The following ZNF280D variants were observed in gnomAD, a reference collection of about 807,000 sequenced individuals.
ZNF280D encodes the protein zinc finger protein 280D.
Under a neutral mutation model 94.7 loss-of-function variants are expected in ZNF280D, and 39 were observed. The observed-to-expected ratio is 0.41, with a 90% CI of 0.32 to 0.54. The LOEUF (loss-of-function observed/expected upper bound fraction) is 0.54, where lower values mean the gene tolerates loss of function less well. Ranked by LOEUF, ZNF280D falls within the 20% of genes least tolerant of loss-of-function variation. ZNF280D has a pLI of 0.22. For missense variants in ZNF280D, 1,090 were observed against 1,149.3 expected (o/e 0.95, Z 0.75); for synonymous variants, 398 against 377.6 (o/e 1.05, Z -0.63).
chr15:56,676,600 A>G (rs1192381354), intron 13 of ZNF280D, 70 bp downstream of exon 13: 1 of 1,357,936 alleles, frequency 7.4e-7, no homozygotes, highest in African/African-American at 1.5e-5. Flanking sequence ...AAATCTAAAG[A>G]TTCTCCAAGT....
chr15:56,645,037 C>T (rs1185433336), intron 19 of ZNF280D: 1 of 152,054 alleles, frequency 6.6e-6, no homozygotes, highest in Non-Finnish European at 1.5e-5. Context: ...AAATGCATCA[C>T]TAAAATGTAC....
In ZNF280D at chr15:56,631,230, C is replaced by G. The variant is rs1445834632; in HGVS notation, c.*268G>C. The G allele has an allele frequency of 2.9e-6, 1 of 343,442 alleles. No individual in the cohort carries two copies. The highest frequency in any genetic ancestry group is 2.1e-5 in the African/African-American group (1 of 48,602). 21.3% of individuals were successfully genotyped at this position (343,442 alleles called of 1,614,324 possible). ...AACCAAATCCCATTTCCTTGAAAAC[C>G]ATTAAATGAGACCTTTCCACTGCAA... is the stretch of plus-strand genomic sequence containing the variant. On this transcript the variant is annotated 3_prime_UTR_variant, in exon 22 of 22. Transcript: ENST00000267807.
intron 13 of ZNF280D, among the ~76,000 whole-genome samples, chr15:56,670,431 T>C (rs2054785189): frequency 6.6e-6 from 1 of 151,804 alleles, no homozygotes; most frequent in Non-Finnish European, 1.5e-5. Flanking sequence ...CACTTATAAA[T>C]GAGAAAACAC....
intron 9 of ZNF280D, among the ~76,000 whole-genome samples, chr15:56,685,131 A>G (rs2055910801): frequency 6.6e-6 from 1 of 152,184 alleles, no homozygotes; most frequent in African/African-American, 2.4e-5. Flanking sequence ...TATTAGATCA[A>G]ACTGTCTTTA....
rs548498921 is a variant in ZNF280D at position 56,653,125 on chromosome 15, A to C, written c.2213+1073T>G. 6.0e-5 allele frequency: 60 copies of C among 996,780 alleles called. No homozygotes were observed. The African/African-American group carries it at 9.8e-4, about 16-fold the overall frequency. The allele number at this position is 996,780 out of a possible 1,614,324, so 61.7% of individuals were successfully genotyped here. On this transcript the variant is annotated intron_variant, in intron 19 of 21. Coordinates refer to ENST00000267807, the MANE Select transcript of ZNF280D (RefSeq NM_017661.4). ...AAAAATAACTGCAATTTTGGAACTT[A>C]ATTGTGGAGACCTGTTGTTCCAAGG...
At chr15:56,655,887 T>C (rs756393093) in intron 17 of ZNF280D, among the ~76,000 whole-genome samples, 1 of 152,210 alleles carries the variant, frequency 6.6e-6, no homozygotes, top group Non-Finnish European at 1.5e-5. Context: ...TTATATTAAA[T>C]GTACAAATGA....
Position 56,631,548 on chromosome 15 carries a change from T to C in ZNF280D, c.2890A>G (p.Ser964Gly), listed in dbSNP as rs1396095340. Residue 964 changes from serine (S) to glycine (G), a missense_variant, in exon 22 of 22, where the codon AGC (serine) becomes GGC (glycine). Physicochemically the swap from Ser to Gly is moderately conservative, Grantham distance 56. Coordinates refer to ENST00000267807, the MANE Select transcript of ZNF280D (RefSeq NM_017661.4). ...TDDIPGGNNP[S>G]TTEATVDLED... is the part of the protein sequence containing the mutation. ...AGGTCTACTGTTGCCTCTGTTGTGC[T>C]AGGGTTATTTCCTCCAGGAATGTCA... 4 of 1,614,110 alleles carry C rather than the reference T, an allele frequency of 2.5e-6. No homozygotes were observed. The East Asian group carries it at 6.7e-5, about 27-fold the overall frequency.
intron 12 of ZNF280D, 106 bp from the exon 13 acceptor site, chr15:56,676,922 A>G (rs551570362): frequency 1.2e-6 from 1 of 835,180 alleles, no homozygotes; most frequent in Non-Finnish European, 1.8e-6. Context: ...ATGTACTACT[A>G]ATCTAGCTCT....
Position 56,676,750 on chromosome 15 carries a change from T to G in ZNF280D, c.1330A>C (p.Thr444Pro). 2 of 1,611,806 alleles carry G rather than the reference T, an allele frequency of 1.2e-6. No homozygotes were observed. The highest frequency in any genetic ancestry group is 1.7e-6 in the Non-Finnish European group (2 of 1,178,248). ...CAAAACGGGCATAGCAAGTTCTTAG[T>G]GTTTTCATGGGATGTTCTAAAATGA... The part of the protein sequence containing the change: ...ETHFRTSHEN[T>P]KNLLCPFCLK... Residue 444 changes from threonine to proline, a missense_variant, in exon 13 of 22, where the codon ACT (threonine) becomes CCT (proline). Thr to Pro is a conservative substitution (Grantham distance 38). Coordinates refer to ENST00000267807, the MANE Select transcript of ZNF280D (RefSeq NM_017661.4).
At chr15:56,724,558 T>C (rs949296303) in intron 1 of ZNF280D, among the ~76,000 whole-genome samples, 9 of 152,212 alleles carry the variant, frequency 5.9e-5, no homozygotes, top group Non-Finnish European at 1.0e-4. Flanking sequence ...AGGCATCGTA[T>C]CTTATAAAAT....
intron 10 of ZNF280D, among the ~76,000 whole-genome samples, chr15:56,679,771 C>T (rs569671635): frequency 6.6e-6 from 1 of 152,244 alleles, no homozygotes; most frequent in African/African-American, 2.4e-5. Context: ...TAGCAATCAT[C>T]ATGAAGATTA....
At chr15:56,673,395 C>T (rs1165770420) in intron 13 of ZNF280D, among the ~76,000 whole-genome samples, 1 of 152,014 alleles carries the variant, frequency 6.6e-6, no homozygotes, top group Non-Finnish European at 1.5e-5. Context: ...CTGTCAAACA[C>T]ATTAGTAAAA....
At chr15:56,705,524 C>G (rs2057352731) in intron 3 of ZNF280D, among the ~76,000 whole-genome samples, 1 of 152,152 alleles carries the variant, frequency 6.6e-6, no homozygotes, top group Non-Finnish European at 1.5e-5. Context: ...TTTTCCTCAT[C>G]TATAACACAA....
In ZNF280D at chr15:56,674,558, T is replaced by A. The variant is rs374998268; in HGVS notation, c.1410+2112A>T. Among the ~76,000 whole-genome samples, 46 of 152,138 alleles carry A rather than the reference T, an allele frequency of 3.0e-4. No individual in the cohort carries two copies. In the South Asian group the frequency reaches 7.7e-3, roughly 25 times the overall value. On this transcript the variant is annotated intron_variant, in intron 13 of 21. Coordinates refer to ENST00000267807, the MANE Select transcript of ZNF280D (RefSeq NM_017661.4). ...GAGCAGTAAAAGCTTGGATGCTAAG[T>A]CAAATTTTGACTCTGCCTTTATTAG...
intron 4 of ZNF280D, among the ~76,000 whole-genome samples, chr15:56,702,147 T>G (rs761219694): frequency 6.6e-6 from 1 of 152,084 alleles, no homozygotes; most frequent in Admixed American, 6.6e-5. Context: ...GAAATATGGT[T>G]GTTTTCTGAT....
intron 9 of ZNF280D, among the ~76,000 whole-genome samples, chr15:56,683,505 T>C (rs2055782921): frequency 2.0e-5 from 3 of 152,164 alleles, no homozygotes; most frequent in Admixed American, 1.3e-4. Flanking sequence ...TCCCTTATTT[T>C]TGTGGGTTAA....
At chr15:56,638,981 CA>C (rs570596392) in intron 20 of ZNF280D, among the ~76,000 whole-genome samples, 1 of 148,540 alleles carries the variant, frequency 6.7e-6, no homozygotes, top group Non-Finnish European at 1.5e-5. Context: ...TGAAAAATAC[CA>C]AAAAAAACAA....
chr15:56,708,858 C>A (rs1418310920), intron 1 of ZNF280D, among the ~76,000 whole-genome samples: 4 of 152,008 alleles, frequency 2.6e-5, no homozygotes, highest in Non-Finnish European at 5.9e-5. Context: ...AAAATTAATT[C>A]AAGATGGATT....
rs771633956 is a variant in ZNF280D at position 56,666,818 on chromosome 15, C to T, written c.1714G>A (p.Ala572Thr). 8.1e-6 allele frequency: 13 copies of T among 1,613,492 alleles called. No individual in the cohort carries two copies. Among genetic ancestry groups the T allele is most frequent in the Admixed American group, 6.7e-5 (4 of 59,946 alleles). ...TSKPNTVKSN[A>T]SKPNTSKPNG... is the part of the protein sequence containing the mutation. ...GGCTTACTTGTATTAGGTTTACTTGCGTTGGATTTGACTGTATTAGGTTTA... is the reference window on the plus strand; with the variant it reads ...GGCTTACTTGTATTAGGTTTACTTGTGTTGGATTTGACTGTATTAGGTTTA... The change falls in exon 15 of 22, where the codon GCA becomes ACA. Residue 572 changes from alanine to threonine, a missense_variant. Physicochemically the swap from Ala to Thr is moderately conservative, Grantham distance 58. Transcript: ENST00000267807.
Sources: allele counts gnomAD v4.1 joint callset (sites outside exome capture counted in the v4.1 genomes callset), GRCh38; gene constraint gnomAD v4.1.1; transcripts MANE v1.5; gene names NCBI Gene and HGNC (gene_info 2026-07-23, HGNC 2026-07-21).